The following NXPE4 variants were observed in gnomAD, a reference collection of about 807,000 sequenced individuals.
The protein encoded by NXPE4 is NXPE family member 4.
In NXPE4, 42 loss-of-function variants were observed where a neutral mutation model predicts 33.3. That is an observed-to-expected ratio of 1.26 (90% confidence interval 0.98 to 1.63). NXPE4 has a LOEUF of 1.63. NXPE4 is among the 40% of genes most tolerant of loss of function. The probability of loss-of-function intolerance (pLI) is 0.00; values close to 1 mark genes in which losing one functional copy is unlikely to be tolerated. For synonymous variants in NXPE4, 253 were observed against 234.9 expected, an observed-to-expected ratio of 1.08 and a Z score of -0.71; for missense variants, 709 against 647.6, an observed-to-expected ratio of 1.09 and a Z score of -1.03.
At chr11:114,617,296 C>G in the NXPE4 span, among the ~76,000 whole-genome samples, 1 of 151,636 alleles carries the variant, frequency 6.6e-6, no homozygotes, top group Non-Finnish European at 1.5e-5. Flanking sequence ...CCACCATTAC[C>G]CACCAGATAC....
intron 5 of NXPE4, among the ~76,000 whole-genome samples, chr11:114,577,171 T>C (rs1223830675): frequency 2.7e-5 from 4 of 146,460 alleles, no homozygotes; most frequent in African/African-American, 1.0e-4. Context: ...CATATATATA[T>C]ATATATATAA....
Position 114,582,589 on chromosome 11 carries a change from G to A in NXPE4, c.529C>T (p.Leu177=). ...CTGGGGTGGATGAGCAGCAGAGACA[G>A]AGAGACCTGGCCCTCCCAGAACAGA... is the stretch of plus-strand genomic sequence containing the variant. The part of the protein sequence containing the change: ...FTLFWEGQVS[L]SLLLIHPSEG... The change falls in exon 3 of 6, where the codon CTG becomes TTG. Residue 177 remains leucine, a synonymous_variant. Transcript: ENST00000375478. 1.2e-6 allele frequency: 2 copies of A among 1,614,146 alleles called. No individual in the cohort carries two copies. The highest frequency in any genetic ancestry group is 1.7e-6 in the Non-Finnish European group (2 of 1,179,994).
chr11:114,611,368 A>T, the NXPE4 span, among the ~76,000 whole-genome samples: 1 of 151,880 alleles, frequency 6.6e-6, no homozygotes, highest in Non-Finnish European at 1.5e-5. Context: ...CCCGGTGGAT[A>T]ATAAGTGTTG....
Position 114,582,946 on chromosome 11 carries a change from G to C in NXPE4, c.172C>G (p.Pro58Ala). 1 of 1,614,158 alleles carries C rather than the reference G, an allele frequency of 6.2e-7. No individual in the cohort carries two copies. The highest frequency in any genetic ancestry group is 1.1e-5 in the South Asian group (1 of 91,076). The change falls in exon 3 of 6, where the codon CCA becomes GCA. Residue 58 changes from proline (P) to alanine (A), a missense_variant. Transcript: ENST00000375478. ...GTTAGTGGCTTTAATGATATCAGTGGTGTTTTAGGGAATAAGGACTTTGTG... is the reference window on the plus strand; with the variant it reads ...GTTAGTGGCTTTAATGATATCAGTGCTGTTTTAGGGAATAAGGACTTTGTG... ...NSTKSLFPKTPLISLKPLTET... is the reference protein window; with the variant it reads ...NSTKSLFPKTALISLKPLTET...
chr11:114,582,075 A>AT (rs533207967), intron 3 of NXPE4, among the ~76,000 whole-genome samples: 5 of 152,204 alleles, frequency 3.3e-5, no homozygotes, highest in African/African-American at 7.2e-5. Context: ...TTCTGTATAT[A>AT]TTTTTTTCCC....
At chr11:114,618,557 C>G in the NXPE4 span, among the ~76,000 whole-genome samples, 2 of 151,778 alleles carry the variant, frequency 1.3e-5, no homozygotes, top group Non-Finnish European at 2.9e-5. Flanking sequence ...CACTGTTACC[C>G]AGTGGATAAT....
the NXPE4 span, among the ~76,000 whole-genome samples, chr11:114,660,426 C>T: frequency 6.6e-6 from 1 of 151,916 alleles, no homozygotes. Context: ...CAAAGTGAGG[C>T]TTATCTTGGT....
At chr11:114,670,261 G>C in the NXPE4 span, among the ~76,000 whole-genome samples, 1 of 152,016 alleles carries the variant, frequency 6.6e-6, no homozygotes, top group Non-Finnish European at 1.5e-5. Flanking sequence ...ATAAGACATG[G>C]TCAAAGAGAG....
the NXPE4 span, among the ~76,000 whole-genome samples, chr11:114,601,763 G>GTA: frequency 0.014 from 922 of 66,776 alleles, 211 homozygotes; most frequent in African/African-American, 0.059. Flanking sequence ...ATATATATGT[G>GTA]ATTATATATT....
In NXPE4 at chr11:114,583,034, CA is replaced by C; in HGVS notation, c.97-14del. The stretch of plus-strand genomic sequence containing the variant: ...GAGCAGACCAAACCTGAAATGACAG[CA>C]AATGTGACATGAGATGGATAAATTT... On this transcript the variant is annotated splice_polypyrimidine_tract_variant and intron_variant, in intron 2 of 5. Transcript: ENST00000375478. 6.3e-7 allele frequency: 1 copy of C among 1,594,460 alleles called. No individual in the cohort carries two copies. The highest frequency in any genetic ancestry group is 8.5e-7 in the Non-Finnish European group (1 of 1,171,584).
At chr11:114,616,236 G>A in the NXPE4 span, among the ~76,000 whole-genome samples, 1 of 151,172 alleles carries the variant, frequency 6.6e-6, no homozygotes, top group Admixed American at 6.6e-5. Flanking sequence ...TTGCCTCACT[G>A]GTAACCACTG....
At chr11:114,649,681 G>A in the NXPE4 span, among the ~76,000 whole-genome samples, 2 of 152,310 alleles carry the variant, frequency 1.3e-5, no homozygotes, top group Non-Finnish European at 2.9e-5. Context: ...ACTGGAGGCG[G>A]GGGTAACAGG....
chr11:114,577,880 A>T (rs1949050376), intron 5 of NXPE4, among the ~76,000 whole-genome samples: 1 of 152,142 alleles, frequency 6.6e-6, no homozygotes, highest in Non-Finnish European at 1.5e-5. Flanking sequence ...GGATAATATT[A>T]AGTGCCATAT....
upstream of NXPE4, among the ~76,000 whole-genome samples, chr11:114,599,174 C>T (rs1949611232): frequency 6.6e-6 from 1 of 152,162 alleles, no homozygotes; most frequent in Non-Finnish European, 1.5e-5. Flanking sequence ...TCATCACTTT[C>T]AAGGTCAAAG....
At chr11:114,575,448 A>C (rs761906539) in intron 5 of NXPE4, among the ~76,000 whole-genome samples, 2 of 152,044 alleles carry the variant, frequency 1.3e-5, no homozygotes, top group African/African-American at 2.4e-5. Flanking sequence ...AACCCTAAAG[A>C]CTTATCCAAA....
the NXPE4 span, among the ~76,000 whole-genome samples, chr11:114,632,008 C>T: frequency 6.8e-6 from 1 of 146,422 alleles, no homozygotes; most frequent in Admixed American, 7.0e-5. Context: ...GCTACTATTA[C>T]CTAATAGATA....
At chr11:114,580,070 C>G in intron 5 of NXPE4, 62 bp downstream of exon 5, 1 of 1,360,660 alleles carries the variant, frequency 7.3e-7, no homozygotes, top group Non-Finnish European at 1.0e-6. Flanking sequence ...TCCCTTCTCC[C>G]CTTTGAAATG....
chr11:114,646,099 T>G, the NXPE4 span, among the ~76,000 whole-genome samples: 3 of 152,098 alleles, frequency 2.0e-5, no homozygotes, highest in Non-Finnish European at 4.4e-5. Flanking sequence ...TCAACTTCTT[T>G]TATTTCTTAA....
At chr11:114,598,105 T>C (rs1394488778), upstream of NXPE4, among the ~76,000 whole-genome samples, 2 of 152,140 alleles carry the variant, frequency 1.3e-5, no homozygotes, top group Non-Finnish European at 2.9e-5. Flanking sequence ...CCTTTTACAT[T>C]CTAAAAGGGA....
Sources: gnomAD v4.1 joint callset for allele counts (sites outside exome capture counted in the v4.1 genomes callset) on GRCh38, gnomAD v4.1.1 for gene constraint, MANE v1.5 for transcripts, NCBI Gene and HGNC (gene_info 2026-07-23, HGNC 2026-07-21) for gene names.